Variants in HPRT1 observed in about 807,000 individuals in gnomAD.
HPRT1 encodes the protein hypoxanthine-guanine phosphoribosyltransferase.
HPRT1 carries 4 observed loss-of-function variants against 19.0 expected under a neutral mutation model. The observed-to-expected ratio is 0.21, with a 90% CI of 0.10 to 0.48. The LOEUF is 0.48. Ranked by LOEUF, HPRT1 falls within the 20% of genes least tolerant of loss-of-function variation. The pLI, the probability that HPRT1 is intolerant of heterozygous loss-of-function variation, is 0.98. For missense variants in HPRT1, 65 were observed against 164.0 expected, an observed-to-expected ratio of 0.40 and a Z score of 3.30; for synonymous variants, 53 against 54.9, an observed-to-expected ratio of 0.97 and a Z score of 0.15.
chrX:134,470,071 C>G (rs2077606782), intron 1 of HPRT1, among the ~76,000 whole-genome samples: 1 of 112,778 alleles, frequency 8.9e-6, no homozygotes, highest in African/African-American at 3.2e-5. Flanking sequence ...CCTAGAGGAT[C>G]TGGCATAATC....
chrX:134,472,023 G>A (rs1017209392), intron 1 of HPRT1, among the ~76,000 whole-genome samples: 2 of 111,363 alleles, frequency 1.8e-5, no homozygotes, highest in Non-Finnish European at 3.8e-5. Context: ...ACGCTGGAGT[G>A]CTGTGGTATG....
At chrX:134,470,144 A>T (rs1429756092) in intron 1 of HPRT1, among the ~76,000 whole-genome samples, 2 of 112,409 alleles carry the variant, frequency 1.8e-5, no homozygotes, top group Non-Finnish European at 3.8e-5. Flanking sequence ...TTTAAAAACA[A>T]ATCAATATTG....
intron 3 of HPRT1, among the ~76,000 whole-genome samples, chrX:134,479,694 T>C (rs1011221879): frequency 1.8e-5 from 2 of 110,999 alleles, no homozygotes; most frequent in African/African-American, 6.5e-5. Flanking sequence ...CTGCAACCTC[T>C]GCGTGGGCTC....
rs1337156052 is a variant in HPRT1 at position 134,493,017 on chromosome X, A to G, written c.403-491A>G. ...TATGGTTTAAAAAATATTTTCCCTA[A>G]CAAAGATGGGTTTGTTTAGAGTCCT... On this transcript the variant is annotated intron_variant, in intron 5 of 8. Coordinates refer to ENST00000298556, the MANE Select transcript of HPRT1 (RefSeq NM_000194.3). Among the ~76,000 whole-genome samples, 4 of 111,627 alleles carry G rather than the reference A, an allele frequency of 3.6e-5. No homozygotes were observed. In the East Asian group the frequency reaches 1.1e-3, roughly 31 times the overall value.
intron 1 of HPRT1, among the ~76,000 whole-genome samples, chrX:134,469,114 C>A (rs1204988668): frequency 9.0e-6 from 1 of 110,542 alleles, no homozygotes; most frequent in Non-Finnish European, 1.9e-5. Context: ...TGAACCTGCA[C>A]GTACCCATTG....
chrX:134,488,931 T>C (rs1162191956), intron 4 of HPRT1, among the ~76,000 whole-genome samples: 2 of 111,988 alleles, frequency 1.8e-5, no homozygotes, highest in African/African-American at 6.5e-5. Flanking sequence ...TTTTCCTGCC[T>C]GTAAAATAGG....
At chrX:134,493,899 C>T (rs952755235) in intron 6 of HPRT1, among the ~76,000 whole-genome samples, 1 of 111,347 alleles carries the variant, frequency 9.0e-6, no homozygotes, top group Non-Finnish European at 1.9e-5. Context: ...GATTCCAAAG[C>T]GGGTGAGGAA....
chrX:134,498,759 C>A, intron 8 of HPRT1, 75 bp downstream of exon 8: 3 of 654,764 alleles, frequency 4.6e-6, no homozygotes, highest in South Asian at 4.5e-5. Flanking sequence ...TTGTTTTCTC[C>A]TTCCAGCACC....
chrX:134,497,276 C>T (rs756864186), intron 6 of HPRT1, among the ~76,000 whole-genome samples: 9 of 110,515 alleles, frequency 8.1e-5, no homozygotes, highest in Non-Finnish European at 1.5e-4. Context: ...CTGCAGTGAA[C>T]TGTGATTACA....
In HPRT1 at chrX:134,480,539, G is replaced by A. The variant is rs1177175446; in HGVS notation, c.318+5175G>A. Among the ~76,000 whole-genome samples the A allele has an allele frequency of 3.8e-5, 4 of 105,835 alleles. No homozygotes were observed. The East Asian group carries it at 8.9e-4, about 24-fold the overall frequency. The allele number at this position is 105,835 out of a possible 115,157, so 91.9% of individuals were successfully genotyped here. A position where few individuals can be genotyped will look rare whatever the true frequency, so the allele number is the denominator to read the frequency against. ...GGCCCATTGCAGCTTTGAACTCCTG[G>A]GCTCAAGGGATCCTCTGCCTCAGCC... On this transcript the variant is annotated intron_variant, in intron 3 of 8. Coordinates refer to ENST00000298556, the MANE Select transcript of HPRT1 (RefSeq NM_000194.3).
intron 5 of HPRT1, among the ~76,000 whole-genome samples, chrX:134,492,030 T>TACACACACACACACACACACAC (rs2077668420): frequency 1.0e-5 from 1 of 98,713 alleles, no homozygotes; most frequent in African/African-American, 3.9e-5. Flanking sequence ...TACATATATA[T>TACACACACACACACACACACAC]ATATACACAC....
intron 3 of HPRT1, among the ~76,000 whole-genome samples, chrX:134,483,549 T>C (rs1273833101): frequency 9.0e-6 from 1 of 111,398 alleles, no homozygotes; most frequent in African/African-American, 3.3e-5. Flanking sequence ...AGTGAGGAGA[T>C]AGGACGGTAG....
chrX:134,480,540 G>A (rs1342149291), intron 3 of HPRT1, among the ~76,000 whole-genome samples: 1 of 105,934 alleles, frequency 9.4e-6, no homozygotes, highest in Non-Finnish European at 1.9e-5. Context: ...GAACTCCTGG[G>A]CTCAAGGGAT....
rs1268167788 is a variant in HPRT1, at chrX:134,460,187, C to A, written c.-125C>A. 5.6e-6 allele frequency: 4 copies of A among 714,254 alleles called. No homozygotes were observed. Among genetic ancestry groups the A allele is most frequent in the East Asian group, 9.2e-5 (2 of 21,663 alleles). The allele number at this position is 714,254 out of a possible 1,213,427, so 58.9% of individuals were successfully genotyped here. On this transcript the variant is annotated 5_prime_UTR_variant, in exon 1 of 9. Transcript: ENST00000298556. ...CTCAGCTTCAGGCGGCTGCGACGAGCCCTCAGGCGAACCTCTCGGCTTTCC... is the reference window on the plus strand; with the variant it reads ...CTCAGCTTCAGGCGGCTGCGACGAGACCTCAGGCGAACCTCTCGGCTTTCC...
At chrX:134,475,401 A>G in intron 3 of HPRT1, 37 bp downstream of exon 3, 3 of 912,444 alleles carry the variant, frequency 3.3e-6, no homozygotes, top group Non-Finnish European at 4.8e-6. Flanking sequence ...TTTAGTGGCA[A>G]CAGTAGGTTT....
rs762739119 is a variant in HPRT1, at chrX:134,473,408, A to G, written c.77A>G (p.Asn26Ser). 1 of 1,196,765 alleles carries G rather than the reference A, an allele frequency of 8.4e-7. No individual in the cohort carries two copies. The highest frequency in any genetic ancestry group is 1.8e-5 in the South Asian group (1 of 56,676). Residue 26 changes from asparagine to serine, a missense_variant, in exon 2 of 9, where the codon AAT (asparagine) becomes AGT (serine). This residue lies in a region of HPRT1 where 23 missense variants were observed against 29.3 expected (regional missense o/e 0.79). Transcript: ENST00000298556. Reference protein sequence around the residue: ...GYDLDLFCIPNHYAEDLERVF... With the variant: ...GYDLDLFCIPSHYAEDLERVF... Reference sequence around the variant, plus strand: ...GACCTTGATTTATTTTGCATACCTAATCATTATGCTGAGGATTTGGAAAGG... The same window carrying G: ...GACCTTGATTTATTTTGCATACCTAGTCATTATGCTGAGGATTTGGAAAGG...
intron 3 of HPRT1, among the ~76,000 whole-genome samples, chrX:134,484,030 A>G (rs1018546487): frequency 2.7e-5 from 3 of 111,799 alleles, no homozygotes; most frequent in African/African-American, 9.8e-5. Context: ...CTTGGGGCAA[A>G]CAGGAGTATG....
chrX:134,478,617 C>T lies in HPRT1; in HGVS notation c.318+3253C>T, dbSNP rs746841644. On this transcript the variant is annotated intron_variant, in intron 3 of 8. Transcript: ENST00000298556. ...TCCAGCCTGAGTGACAGAGGGAGAC[C>T]CTGTCTTAAAAAAATAAGAAAGAAA... Among the ~76,000 whole-genome samples the T allele has an allele frequency of 5.3e-3, 591 of 111,030 alleles. 2 individuals carry two copies. Among genetic ancestry groups the T allele is most frequent in the African/African-American group, 0.018 (559 of 30,580 alleles).
rs779937475 is a variant in HPRT1 at position 134,500,124 on chromosome X, A to G, written c.*47A>G. The G allele has an allele frequency of 5.8e-6, 5 of 855,351 alleles. No homozygotes were observed. The highest frequency in any genetic ancestry group is 7.0e-6 in the Non-Finnish European group (4 of 571,198). The allele number at this position is 855,351 out of a possible 1,213,427, so 70.5% of individuals were successfully genotyped here. A position where few individuals can be genotyped will look rare whatever the true frequency, so the allele number is the denominator to read the frequency against. On this transcript the variant is annotated 3_prime_UTR_variant, in exon 9 of 9. Transcript: ENST00000298556. ...TGGAAACATCTGGAGTCCTATTGAC[A>G]TCGCCAGTAAAATTATCAATGTTCT...
Sources: gnomAD v4.1 joint callset for allele counts (sites outside exome capture counted in the v4.1 genomes callset) on GRCh38, gnomAD v4.1.1 for gene constraint, gnomAD v4.1.1 regional missense constraint, MANE v1.5 for transcripts, NCBI Gene and HGNC (gene_info 2026-07-23, HGNC 2026-07-21) for gene names.